PPP1R12A: variants seen among roughly 807,000 people sequenced by gnomAD.
PPP1R12A encodes myosin binding subunit.
A neutral mutation model predicts 139.6 loss-of-function variants in PPP1R12A; 19 were observed. That is an observed-to-expected ratio of 0.14 (90% CI 0.09 to 0.20). The LOEUF (loss-of-function observed/expected upper bound fraction) is 0.20, where lower values mean the gene tolerates loss of function less well. Among genes scored for constraint, PPP1R12A ranks in the 10% least tolerant of loss-of-function variants. PPP1R12A has a pLI of 1.00. For missense variants in PPP1R12A, 925 were observed against 1,211.5 expected (o/e 0.76, Z 3.51); for synonymous variants, 427 against 420.6 (o/e 1.02, Z -0.19).
chr12:79,844,959 CA>C (rs1228647049), intron 3 of PPP1R12A, among the ~76,000 whole-genome samples: 2 of 152,192 alleles, frequency 1.3e-5, no homozygotes, highest in Admixed American at 6.5e-5. Context: ...GACCCCTTAT[CA>C]GTGAGCCTTC....
chr12:79,930,831 G>C (rs1565822878), intron 1 of PPP1R12A, among the ~76,000 whole-genome samples: 2 of 152,226 alleles, frequency 1.3e-5, no homozygotes, highest in Non-Finnish European at 2.9e-5. Flanking sequence ...GTAAAAAGTG[G>C]CAAAGAAAAG....
intron 22 of PPP1R12A, chr12:79,782,595 TC>T (rs1870593341): frequency 2.2e-6 from 1 of 454,270 alleles, no homozygotes; most frequent in African/African-American, 2.0e-5. Context: ...ACTGGAGAGC[TC>T]TGGACATTAA....
intron 1 of PPP1R12A, among the ~76,000 whole-genome samples, chr12:79,917,773 A>C (rs1887120359): frequency 6.6e-6 from 1 of 152,168 alleles, no homozygotes; most frequent in Non-Finnish European, 1.5e-5. Context: ...TGTAACTAAT[A>C]TTTTACCTTT....
intron 1 of PPP1R12A, among the ~76,000 whole-genome samples, chr12:79,929,354 T>C (rs1888082321): frequency 6.6e-6 from 1 of 152,210 alleles, no homozygotes; most frequent in African/African-American, 2.4e-5. Context: ...CTAGAGGATC[T>C]AGCTCAGACT....
chr12:79,807,413 AAG>A, intron 11 of PPP1R12A, 83 bp from the exon 12 acceptor site: 1 of 821,422 alleles, frequency 1.2e-6, no homozygotes, highest in Non-Finnish European at 1.9e-6. Flanking sequence ...ATATTAGTAT[AAG>A]CTGAAACTAG....
At chr12:79,892,980 T>C (rs749564351) in intron 1 of PPP1R12A, among the ~76,000 whole-genome samples, 1 of 151,964 alleles carries the variant, frequency 6.6e-6, no homozygotes, top group Non-Finnish European at 1.5e-5. Context: ...GGCGAGTGCC[T>C]GTAATCCCAG....
At chr12:79,849,516 T>G (rs1048701011) in intron 2 of PPP1R12A, among the ~76,000 whole-genome samples, 5 of 152,236 alleles carry the variant, frequency 3.3e-5, no homozygotes, top group African/African-American at 4.8e-5. Context: ...CTAGATTTCC[T>G]TCAGAACAAA....
chr12:79,831,085 A>T (rs921630102), intron 4 of PPP1R12A, among the ~76,000 whole-genome samples: 1 of 152,182 alleles, frequency 6.6e-6, no homozygotes, highest in Non-Finnish European at 1.5e-5. Flanking sequence ...ATACATATTT[A>T]CAGAAACAAG....
intron 2 of PPP1R12A, among the ~76,000 whole-genome samples, chr12:79,847,919 A>C (rs1879591810): frequency 6.6e-6 from 1 of 152,170 alleles, no homozygotes; most frequent in African/African-American, 2.4e-5. Context: ...AATAAATGAA[A>C]TAACTGATCA....
intron 1 of PPP1R12A, among the ~76,000 whole-genome samples, chr12:79,931,211 T>C (rs1888228575): frequency 6.6e-6 from 1 of 152,180 alleles, no homozygotes; most frequent in African/African-American, 2.4e-5. Context: ...ATTTGAACAA[T>C]AAGAAATCCT....
chr12:79,859,905 C>T (rs1042494231), intron 2 of PPP1R12A, among the ~76,000 whole-genome samples: 5 of 152,136 alleles, frequency 3.3e-5, no homozygotes, highest in African/African-American at 9.7e-5. Context: ...CAGAGCAAGA[C>T]GCTGTCTCAA....
At chr12:79,798,369 T>C in intron 15 of PPP1R12A, 125 bp downstream of exon 15, 1 of 592,874 alleles carries the variant, frequency 1.7e-6, no homozygotes, top group South Asian at 2.9e-5. Flanking sequence ...TCACACTATA[T>C]ACTGACATCA....
At chr12:79,778,247 G>A (rs1206393351) in intron 24 of PPP1R12A, 1 of 186,642 alleles carries the variant, frequency 5.4e-6, no homozygotes, top group Non-Finnish European at 1.1e-5. Context: ...TATTATTATT[G>A]TCTAACTTTT....
At chr12:79,932,635 A>G (rs957683178) in intron 1 of PPP1R12A, among the ~76,000 whole-genome samples, 1 of 152,130 alleles carries the variant, frequency 6.6e-6, no homozygotes, top group Non-Finnish European at 1.5e-5. Flanking sequence ...AAAATACCCA[A>G]TAAAGATATA....
chr12:79,827,060 C>T (rs566403028), intron 5 of PPP1R12A, among the ~76,000 whole-genome samples: 1 of 152,200 alleles, frequency 6.6e-6, no homozygotes, highest in African/African-American at 2.4e-5. Flanking sequence ...ACACGACTTG[C>T]GAAGCTAAAA....
At chr12:79,857,364 T>C (rs994340687) in intron 2 of PPP1R12A, among the ~76,000 whole-genome samples, 6 of 142,930 alleles carry the variant, frequency 4.2e-5, no homozygotes, top group South Asian at 2.1e-4. Context: ...TTCTCACTCA[T>C]AGATGGGAAT....
intron 3 of PPP1R12A, among the ~76,000 whole-genome samples, chr12:79,843,298 G>C (rs1878971713): frequency 6.6e-6 from 1 of 152,066 alleles, no homozygotes; most frequent in African/African-American, 2.4e-5. Flanking sequence ...TGGGTAGGCT[G>C]GGAGTGCTGG....
chr12:79,850,401 T>C (rs1202989480), intron 2 of PPP1R12A, among the ~76,000 whole-genome samples: 4 of 152,160 alleles, frequency 2.6e-5, no homozygotes, highest in African/African-American at 9.7e-5. Context: ...ATTTTGATAG[T>C]CTCCACTATC....
At chr12:79,823,326 A>G (rs1441243721) in intron 5 of PPP1R12A, among the ~76,000 whole-genome samples, 1 of 152,186 alleles carries the variant, frequency 6.6e-6, no homozygotes, top group African/African-American at 2.4e-5. Flanking sequence ...TAATTCTGAA[A>G]GAAAGTTAAA....
Sources: allele counts gnomAD v4.1 joint callset (sites outside exome capture counted in the v4.1 genomes callset), GRCh38; gene constraint gnomAD v4.1.1; transcripts MANE v1.5; gene names NCBI Gene and HGNC (gene_info 2026-07-23, HGNC 2026-07-21).